Variants in DGKH observed in about 807,000 individuals in gnomAD.
DGKH encodes the protein diacylglycerol kinase eta.
DGKH carries 90 observed loss-of-function variants against 159.3 expected under a neutral mutation model. The observed-to-expected ratio is 0.57, with a 90% CI of 0.48 to 0.67. The LOEUF is 0.67. DGKH is among the 30% of genes least tolerant of loss of function. The pLI, the probability that DGKH is intolerant of heterozygous loss-of-function variation, is 0.00. For synonymous variants in DGKH, 536 were observed against 553.8 expected (o/e 0.97, Z 0.45); for missense variants, 1,181 against 1,506.1 (o/e 0.78, Z 3.57).
At chr13:42,162,288 A>C (rs976165788) in intron 7 of DGKH, among the ~76,000 whole-genome samples, 2 of 152,170 alleles carry the variant, frequency 1.3e-5, no homozygotes, top group African/African-American at 2.4e-5. Context: ...AGGCATGTGA[A>C]TCACCTGAGG....
intron 3 of DGKH, among the ~76,000 whole-genome samples, chr13:42,150,457 A>G (rs1043654668): frequency 6.6e-6 from 1 of 152,180 alleles, no homozygotes; most frequent in African/African-American, 2.4e-5. Flanking sequence ...AAAAAGTTAC[A>G]TTTCTTTTTA....
At chr13:42,160,535 G>A (rs138958041) in intron 7 of DGKH, among the ~76,000 whole-genome samples, 39 of 152,308 alleles carry the variant, frequency 2.6e-4, no homozygotes, top group African/African-American at 8.4e-4. Context: ...TCTGACAGAG[G>A]TGAACAGCAC....
At chr13:42,078,770 TA>T (rs1954144766) in intron 1 of DGKH, among the ~76,000 whole-genome samples, 1 of 152,146 alleles carries the variant, frequency 6.6e-6, no homozygotes, top group African/African-American at 2.4e-5. Context: ...TCTATGCATA[TA>T]GACAGATAGA....
chr13:42,211,074 T>C (rs1957646277), intron 24 of DGKH, among the ~76,000 whole-genome samples: 1 of 152,310 alleles, frequency 6.6e-6, no homozygotes, highest in African/African-American at 2.4e-5. Context: ...CAAAAACCAA[T>C]TTCTGACAAG....
chr13:42,078,996 C>G (rs1187884163), intron 1 of DGKH, among the ~76,000 whole-genome samples: 1 of 149,200 alleles, frequency 6.7e-6, no homozygotes, highest in Non-Finnish European at 1.5e-5. Flanking sequence ...CTGCAACCTC[C>G]GCCTTCTGGG....
At chr13:42,117,449 C>T (rs1954985967) in intron 1 of DGKH, among the ~76,000 whole-genome samples, 3 of 152,108 alleles carry the variant, frequency 2.0e-5, no homozygotes, top group South Asian at 4.1e-4. Flanking sequence ...TCTGTTTAGC[C>T]GTACATAAAC....
downstream of DGKH, among the ~76,000 whole-genome samples, chr13:42,243,945 G>A (rs1365947687): frequency 5.9e-5 from 9 of 152,164 alleles, no homozygotes; most frequent in African/African-American, 1.2e-4. Flanking sequence ...GTGAGAAATA[G>A]CAAGGGACTT....
chr13:42,249,916 A>C (rs976479180), intron 29 of DGKH, among the ~76,000 whole-genome samples: 2 of 152,052 alleles, frequency 1.3e-5, no homozygotes, highest in Non-Finnish European at 2.9e-5. Flanking sequence ...GGCCAGGATT[A>C]GGGATCACTG....
rs912757671 is a variant in DGKH, at chr13:42,241,770, C to T, written c.*12582C>T. The T allele has an allele frequency of 2.6e-5, 4 of 152,160 alleles. No homozygotes were observed. The highest frequency in any genetic ancestry group is 9.7e-5 in the African/African-American group (4 of 41,448). The allele number at this position is 152,160 out of a possible 1,614,324, so 9.4% of individuals were successfully genotyped here. On this transcript the variant is annotated 3_prime_UTR_variant, in exon 30 of 30. Coordinates refer to ENST00000337343, the MANE Select transcript of DGKH (RefSeq NM_178009.5). Reference sequence around the variant, plus strand: ...AATATTTAACAGGTAGCATACGTATCTAAGCATATAGTAAATATTACTAGT... The same window carrying T: ...AATATTTAACAGGTAGCATACGTATTTAAGCATATAGTAAATATTACTAGT...
chr13:42,203,034 T>C (rs901227136), intron 20 of DGKH, among the ~76,000 whole-genome samples: 1 of 152,180 alleles, frequency 6.6e-6, no homozygotes, highest in African/African-American at 2.4e-5. Context: ...TGAGAACAAG[T>C]AGTTGTTTAA....
chr13:42,102,589 G>A (rs1385114420), intron 1 of DGKH, among the ~76,000 whole-genome samples: 1 of 152,226 alleles, frequency 6.6e-6, no homozygotes, highest in Non-Finnish European at 1.5e-5. Context: ...CATTTGAGGA[G>A]CAGACACTCT....
chr13:42,069,037 C>G, intron 1 of DGKH: 1 of 1,440,186 alleles, frequency 6.9e-7, no homozygotes, highest in South Asian at 1.1e-5. Flanking sequence ...AAGTGGTGAC[C>G]CAACTGGACT....
intron 1 of DGKH, among the ~76,000 whole-genome samples, chr13:42,110,949 T>C (rs1385723168): frequency 1.3e-5 from 2 of 152,208 alleles, no homozygotes; most frequent in East Asian, 3.8e-4. Context: ...TAATACCTGC[T>C]GGGCTTAACA....
chr13:42,156,179 A>G (rs1396482718), intron 5 of DGKH, among the ~76,000 whole-genome samples: 1 of 152,158 alleles, frequency 6.6e-6, no homozygotes, highest in African/African-American at 2.4e-5. Flanking sequence ...CATTTGTTTA[A>G]TCTGAATAGG....
At chr13:42,079,042 C>G (rs1023211277) in intron 1 of DGKH, among the ~76,000 whole-genome samples, 10 of 150,424 alleles carry the variant, frequency 6.6e-5, no homozygotes, top group African/African-American at 2.5e-4. Flanking sequence ...TCCCGAGTAG[C>G]TGGGATTTAC....
At chr13:42,071,761 C>T (rs1882983943) in intron 1 of DGKH, among the ~76,000 whole-genome samples, 1 of 152,124 alleles carries the variant, frequency 6.6e-6, no homozygotes, top group South Asian at 2.1e-4. Flanking sequence ...GAGTGCAGGC[C>T]CCGCGGACAG....
At chr13:42,050,745 T>G (rs989118840) in intron 1 of DGKH, among the ~76,000 whole-genome samples, 1 of 152,064 alleles carries the variant, frequency 6.6e-6, no homozygotes, top group African/African-American at 2.4e-5. Context: ...ATCCCTGCAC[T>G]TTGGGAGAAC....
At chr13:42,179,757 G>A (rs55684389) in intron 13 of DGKH, among the ~76,000 whole-genome samples, 12,512 of 148,134 alleles carry the variant, frequency 0.084, 658 homozygotes, top group Middle Eastern at 0.12. Context: ...CTCCAGCCTG[G>A]GTGACAGAGT....
In DGKH at chr13:42,215,560, ATTC is replaced by A. The variant is rs1957768390; in HGVS notation, c.3121-9_3121-7del. 6.3e-7 allele frequency: 1 copy of A among 1,584,810 alleles called. No individual in the cohort carries two copies. Among genetic ancestry groups the A allele is most frequent in the Admixed American group, 1.7e-5 (1 of 59,336 alleles). On this transcript the variant is annotated splice_polypyrimidine_tract_variant and intron_variant, in intron 25 of 29. Coordinates refer to ENST00000337343, the MANE Select transcript of DGKH (RefSeq NM_178009.5). ...TTAATACAGATCACATGTCTTTGAT[ATTC>A]TTCTTTTCTAGAGTCTTACAAGAGA...
Sources: gnomAD v4.1 joint callset for allele counts (sites outside exome capture counted in the v4.1 genomes callset) on GRCh38, gnomAD v4.1.1 for gene constraint, MANE v1.5 for transcripts, NCBI Gene and HGNC (gene_info 2026-07-23, HGNC 2026-07-21) for gene names.